The following AKAP19 variants were observed in gnomAD, a reference collection of about 807,000 sequenced individuals.
AKAP19 encodes the protein A-kinase anchoring protein 19, also known as small A-kinase anchoring protein.
chr2:189,918,162 A>G, the AKAP19 span, among the ~76,000 whole-genome samples: 1 of 152,128 alleles, frequency 6.6e-6, no homozygotes, highest in African/African-American at 2.4e-5. Context: ...ACAATATTAT[A>G]TAGATAATAG....
At chr2:189,881,885 CAA>C in the AKAP19 span, among the ~76,000 whole-genome samples, 1 of 152,156 alleles carries the variant, frequency 6.6e-6, no homozygotes, top group Admixed American at 6.5e-5. Context: ...TTATTAAAGA[CAA>C]ATCATGGTAG....
chr2:190,025,827 C>T, the AKAP19 span, among the ~76,000 whole-genome samples: 15 of 152,306 alleles, frequency 9.8e-5, no homozygotes, highest in African/African-American at 3.4e-4. Flanking sequence ...TATAGCTTTA[C>T]CTTTAACAGA....
At chr2:190,025,733 G>C in the AKAP19 span, among the ~76,000 whole-genome samples, 1 of 152,150 alleles carries the variant, frequency 6.6e-6, no homozygotes, top group Admixed American at 6.5e-5. Flanking sequence ...CTGAAACTCT[G>C]TCAGATCTTC....
At chr2:190,020,858 A>T in the AKAP19 span, among the ~76,000 whole-genome samples, 2 of 152,202 alleles carry the variant, frequency 1.3e-5, no homozygotes, top group Non-Finnish European at 2.9e-5. Context: ...TGTTATTCAT[A>T]TGCATGGGTA....
the AKAP19 span, among the ~76,000 whole-genome samples, chr2:190,130,161 A>T: frequency 6.6e-6 from 1 of 152,118 alleles, no homozygotes; most frequent in Non-Finnish European, 1.5e-5. Flanking sequence ...TATAACTAGT[A>T]CTCTATCATT....
the AKAP19 span, among the ~76,000 whole-genome samples, chr2:189,950,454 G>A: frequency 9.3e-5 from 14 of 151,260 alleles, no homozygotes; most frequent in African/African-American, 3.2e-4. Flanking sequence ...GAGTCAATTA[G>A]GATTAGGATA....
chr2:190,080,696 T>C, the AKAP19 span, among the ~76,000 whole-genome samples: 3 of 152,256 alleles, frequency 2.0e-5, no homozygotes, highest in East Asian at 3.8e-4. Context: ...TTTGGCCTTA[T>C]GTGCCAGGCA....
chr2:190,180,608 C>T, the AKAP19 span: 2 of 985,764 alleles, frequency 2.0e-6, no homozygotes, highest in South Asian at 4.7e-5. This position sits in a 1 kb window ranked among gnomAD's most constrained non-coding sequence, Gnocchi z 6.8. Context: ...CCAGACCAAC[C>T]GGCTGGCAGC....
chr2:190,201,159 AAC>A, the AKAP19 span: 23 of 167,172 alleles, frequency 1.4e-4, no homozygotes, highest in African/African-American at 5.5e-4. Context: ...TTTTAGTGGT[AAC>A]ACAAGCCTAT....
At chr2:190,012,834 C>G in the AKAP19 span, among the ~76,000 whole-genome samples, 1 of 152,022 alleles carries the variant, frequency 6.6e-6, no homozygotes, top group Non-Finnish European at 1.5e-5. Flanking sequence ...GTTTAATTTT[C>G]TTAAATGCTT....
At chr2:189,986,988 T>C in the AKAP19 span, among the ~76,000 whole-genome samples, 1 of 152,052 alleles carries the variant, frequency 6.6e-6, no homozygotes, top group South Asian at 2.1e-4. Context: ...TTAGAAAACA[T>C]GTCCAAAAAA....
chr2:189,926,006 T>C, the AKAP19 span, among the ~76,000 whole-genome samples: 1 of 152,226 alleles, frequency 6.6e-6, no homozygotes, highest in Non-Finnish European at 1.5e-5. Context: ...AACTTAATTA[T>C]ACTGGATTGA....
At chr2:190,033,180 TAAAAG>T in the AKAP19 span, among the ~76,000 whole-genome samples, 1 of 152,152 alleles carries the variant, frequency 6.6e-6, no homozygotes, top group Non-Finnish European at 1.5e-5. Context: ...GGTGGGACCA[TAAAAG>T]AAACAGACCT....
At chr2:190,199,710 G>A in the AKAP19 span, 141 of 1,463,236 alleles carry the variant, frequency 9.6e-5, no homozygotes, top group Middle Eastern at 2.5e-4. Flanking sequence ...AACACTACAC[G>A]TGAAGAGTGG....
At chr2:190,157,702 G>A in the AKAP19 span, among the ~76,000 whole-genome samples, 1 of 152,064 alleles carries the variant, frequency 6.6e-6, no homozygotes, top group Admixed American at 6.6e-5. Flanking sequence ...TACATTAATG[G>A]AGACATAATA....
chr2:190,078,782 C>A, the AKAP19 span, among the ~76,000 whole-genome samples: 4 of 152,064 alleles, frequency 2.6e-5, no homozygotes, highest in African/African-American at 9.7e-5. Flanking sequence ...CCCAGCAATT[C>A]TATCTTTTAG....
chr2:189,888,393 C>T, the AKAP19 span, among the ~76,000 whole-genome samples: 1 of 152,148 alleles, frequency 6.6e-6, no homozygotes, highest in Admixed American at 6.5e-5. Flanking sequence ...ATGATGCTTC[C>T]AGCTTTGTTC....
chr2:190,174,981 A>G, the AKAP19 span, among the ~76,000 whole-genome samples: 1 of 140,692 alleles, frequency 7.1e-6, no homozygotes, highest in Admixed American at 7.2e-5. Context: ...GTTGGAAATA[A>G]GCACATAAGA....
At chr2:189,884,398 A>G in the AKAP19 span, among the ~76,000 whole-genome samples, 1 of 152,184 alleles carries the variant, frequency 6.6e-6, no homozygotes, top group Admixed American at 6.5e-5. Context: ...CTAAATACGT[A>G]TGATACTCGT....
Sources: allele counts gnomAD v4.1 joint callset (sites outside exome capture counted in the v4.1 genomes callset), GRCh38; gene constraint gnomAD v4.1.1; non-coding constraint Gnocchi (gnomAD v3.1); transcripts MANE v1.5; gene names NCBI Gene and HGNC (gene_info 2026-07-23, HGNC 2026-07-21).